Variants in CBLL1 observed in about 807,000 individuals in gnomAD.
CBLL1 encodes the protein Cbl proto-oncogene like 1, also known as E3 ubiquitin-protein ligase Hakai.
Under a neutral mutation model 44.9 loss-of-function variants are expected in CBLL1, and 4 were observed. The observed-to-expected ratio is 0.09, with a 90% CI of 0.04 to 0.20. The LOEUF is 0.20. Ranked by LOEUF, CBLL1 falls within the 10% of genes least tolerant of loss-of-function variation. The pLI is 1.00. For synonymous variants in CBLL1, 235 were observed against 202.2 expected, an observed-to-expected ratio of 1.16 and a Z score of -1.38; for missense variants, 569 against 636.7, an observed-to-expected ratio of 0.89 and a Z score of 1.14.
intron 2 of CBLL1, among the ~76,000 whole-genome samples, chr7:107,749,727 A>T (rs1217763018): frequency 6.6e-6 from 1 of 152,014 alleles, no homozygotes; most frequent in Non-Finnish European, 1.5e-5. Flanking sequence ...ATAATAATAA[A>T]AAGGTATGTT....
intron 2 of CBLL1, among the ~76,000 whole-genome samples, chr7:107,749,762 C>T (rs2023711): frequency 0.43 from 64,970 of 151,586 alleles, 14,109 homozygotes; most frequent in East Asian, 0.63. Context: ...TACACCAATA[C>T]TGAGTACTAG....
chr7:107,750,455 G>A (rs1793234915), intron 2 of CBLL1, among the ~76,000 whole-genome samples: 2 of 151,832 alleles, frequency 1.3e-5, no homozygotes, highest in Non-Finnish European at 2.9e-5. Flanking sequence ...ACAGGTGCCC[G>A]CCACCACGCC....
intron 1 of CBLL1, among the ~76,000 whole-genome samples, chr7:107,745,132 C>A (rs1387373860): frequency 6.6e-6 from 1 of 152,108 alleles, no homozygotes. Flanking sequence ...GTAAACGAGA[C>A]GGACCAGGTC....
intron 5 of CBLL1, among the ~76,000 whole-genome samples, chr7:107,757,177 G>A (rs1456778739): frequency 6.6e-6 from 1 of 152,180 alleles, no homozygotes; most frequent in African/African-American, 2.4e-5. Flanking sequence ...GCTTATATAT[G>A]TACACACACA....
chr7:107,753,423 A>G lies in CBLL1; in HGVS notation c.194A>G (p.Tyr65Cys), dbSNP rs140334387. ...TTTTTTTTCTCAGAAGGATTTGATT[A>G]TAATGAAGAAGAACGGTATGACTGT... is the stretch of plus-strand genomic sequence containing the variant. ...APPGDEEGFD[Y>C]NEEERYDCKG... Residue 65 changes from tyrosine to cysteine, a missense_variant, in exon 3 of 6, where the codon TAT becomes TGT. Physicochemically the swap from Tyr to Cys is radical, Grantham distance 194 (BLOSUM62 -2). Around this residue, in one of 5 missense-constraint regions of CBLL1, gnomAD observed 209 missense variants for 202.8 expected, o/e 1.03. Transcript: ENST00000440859. The G allele has an allele frequency of 2.5e-6, 4 of 1,572,908 alleles. No individual in the cohort carries two copies. The highest frequency in any genetic ancestry group is 3.4e-6 in the Non-Finnish European group (4 of 1,165,864).
rs758625188 is a variant in CBLL1, at chr7:107,759,004, A to G, written c.1302A>G (p.Glu434=). ...CTAACTCATTACCCCAGTTCACTGA[A>G]GATCAAGGAACTCTGAGCCCTCCAT... ...YNPNSLPQFT[E]DQGTLSPPFT... The change falls in exon 6 of 6, where the codon GAA becomes GAG. Residue 434 remains glutamate (E), a synonymous_variant. Transcript: ENST00000440859. 1.9e-6 allele frequency: 3 copies of G among 1,613,964 alleles called. No individual in the cohort carries two copies. The highest frequency in any genetic ancestry group is 1.3e-5 in the African/African-American group (1 of 74,988).
At chr7:107,744,378 C>A in intron 1 of CBLL1, 4 of 582,908 alleles carry the variant, frequency 6.9e-6, no homozygotes, top group Non-Finnish European at 1.1e-5. Flanking sequence ...CCTACCTCCT[C>A]CGTGCCGGCA....
At position 107,748,860 on chromosome 7, in the gene CBLL1, A is replaced by C; in HGVS notation, c.14-20A>C. ...AAAAGAAAAACTAAAAGAAATTACAACTTTTTTTTCCTAACACAGACAATG... is the reference window on the plus strand; with the variant it reads ...AAAAGAAAAACTAAAAGAAATTACACCTTTTTTTTCCTAACACAGACAATG... On this transcript the variant is annotated intron_variant, in intron 1 of 5. Transcript: ENST00000440859. 6.4e-7 allele frequency: 1 copy of C among 1,551,032 alleles called. No homozygotes were observed. Among genetic ancestry groups the C allele is most frequent in the African/African-American group, 1.4e-5 (1 of 71,870 alleles).
intron 1 of CBLL1, among the ~76,000 whole-genome samples, chr7:107,745,058 G>A (rs1200865301): frequency 6.6e-6 from 1 of 152,154 alleles, no homozygotes; most frequent in African/African-American, 2.4e-5. Context: ...TTATGTAGGT[G>A]TGTATGTTTA....
chr7:107,745,996 G>A (rs191085608), intron 1 of CBLL1, among the ~76,000 whole-genome samples: 1 of 152,190 alleles, frequency 6.6e-6, no homozygotes, highest in Admixed American at 6.5e-5. Context: ...ATTTATAGCT[G>A]GTATTTTAAA....
Position 107,758,392 on chromosome 7 carries a change from C to T in CBLL1, c.690C>T (p.Ser230=), listed in dbSNP as rs925004909. The T allele has an allele frequency of 6.2e-7, 1 of 1,614,110 alleles. No homozygotes were observed. The highest frequency in any genetic ancestry group is 8.5e-7 in the Non-Finnish European group (1 of 1,180,002). ...FIMPPDKHHM[S]HIPPKQHIMM... ...TGCCACCAGACAAGCACCATATGAG[C>T]CATATTCCGCCAAAGCAGCACATCA... Residue 230 remains serine (S), a synonymous_variant, in exon 6 of 6, where the codon AGC becomes AGT. Coordinates refer to ENST00000440859, the MANE Select transcript of CBLL1 (RefSeq NM_024814.4). This position sits in a 1 kb window ranked among gnomAD's most constrained non-coding sequence, Gnocchi z 4.2.
chr7:107,746,311 CATCTT>C (rs1793011501), intron 1 of CBLL1, among the ~76,000 whole-genome samples: 1 of 152,182 alleles, frequency 6.6e-6, no homozygotes, highest in African/African-American at 2.4e-5. Flanking sequence ...AAGTAAAACT[CATCTT>C]AACATGAAAA....
chr7:107,752,519 G>T (rs1273047433), intron 2 of CBLL1: 1 of 1,269,596 alleles, frequency 7.9e-7, no homozygotes, highest in East Asian at 5.5e-5. Flanking sequence ...GTTAAAACTT[G>T]TGTGCTTGGC....
At position 107,758,061 on chromosome 7, in the gene CBLL1, T is replaced by A. The variant is rs1793608392; in HGVS notation, c.441-82T>A. 1 of 1,296,458 alleles carries A rather than the reference T, an allele frequency of 7.7e-7. No individual in the cohort carries two copies. Among genetic ancestry groups the A allele is most frequent in the Non-Finnish European group, 1.0e-6 (1 of 953,054 alleles). 80.3% of individuals were successfully genotyped at this position (1,296,458 alleles called of 1,614,324 possible). ...TATGTTTTATGTAACAGTCAAATTTTAAAAACAAGCATATTTTTGAAAATT... is the reference window on the plus strand; with the variant it reads ...TATGTTTTATGTAACAGTCAAATTTAAAAAACAAGCATATTTTTGAAAATT... On this transcript the variant is annotated intron_variant, in intron 5 of 5. Transcript: ENST00000440859. This position sits in a 1 kb window ranked among gnomAD's most constrained non-coding sequence, Gnocchi z 4.2.
In CBLL1 at chr7:107,759,314, A is replaced by C. The variant is rs1432506916; in HGVS notation, c.*136A>C. On this transcript the variant is annotated 3_prime_UTR_variant, in exon 6 of 6. Transcript: ENST00000440859. ...AAACACATAGGGTCTTGTTTCTTAA[A>C]ATGGTTTTAAATCTTGACCTTAAGA... 1 of 742,644 alleles carries C rather than the reference A, an allele frequency of 1.3e-6. No individual in the cohort carries two copies. The highest frequency in any genetic ancestry group is 2.1e-6 in the Non-Finnish European group (1 of 467,762). The allele number at this position is 742,644 out of a possible 1,614,324, so 46.0% of individuals were successfully genotyped here. A position where few individuals can be genotyped will look rare whatever the true frequency, so the allele number is the denominator to read the frequency against.
At chr7:107,750,248 T>C (rs1793224566) in intron 2 of CBLL1, among the ~76,000 whole-genome samples, 1 of 152,162 alleles carries the variant, frequency 6.6e-6, no homozygotes, top group Non-Finnish European at 1.5e-5. Flanking sequence ...GTGCCTGGCC[T>C]ATATTGTATA....
intron 5 of CBLL1, among the ~76,000 whole-genome samples, 162 bp from the exon 6 acceptor site, chr7:107,757,981 G>C (rs1793603418): frequency 6.6e-6 from 1 of 152,182 alleles, no homozygotes; most frequent in East Asian, 1.9e-4. Flanking sequence ...CAACAAAGTA[G>C]GGAAGATTAA....
intron 3 of CBLL1, 36 bp from the exon 4 acceptor site, chr7:107,753,859 T>G (rs1052517403): frequency 1.5e-6 from 2 of 1,307,182 alleles, no homozygotes; most frequent in Non-Finnish European, 2.2e-6. Context: ...TTTAGAATTG[T>G]GTAAGAAGGT....
intron 2 of CBLL1, among the ~76,000 whole-genome samples, chr7:107,752,015 C>T (rs1793317296): frequency 6.6e-6 from 1 of 151,876 alleles, no homozygotes; most frequent in Non-Finnish European, 1.5e-5. Flanking sequence ...CTGGCTAACA[C>T]AGTGAAACCT....
Sources: allele counts gnomAD v4.1 joint callset (sites outside exome capture counted in the v4.1 genomes callset), GRCh38; gene constraint gnomAD v4.1.1; regional missense constraint gnomAD v4.1.1; non-coding constraint Gnocchi (gnomAD v3.1); transcripts MANE v1.5; gene names NCBI Gene and HGNC (gene_info 2026-07-23, HGNC 2026-07-21).